Variants in NAV3 observed in about 807,000 individuals in gnomAD.
The protein encoded by NAV3 is pore membrane and/or filament interacting like protein 1.
In NAV3, 87 loss-of-function variants were observed where a neutral mutation model predicts 244.7. The observed-to-expected ratio is 0.36, with a 90% CI of 0.30 to 0.42. The LOEUF is 0.42. Among genes scored for constraint, NAV3 ranks in the 20% least tolerant of loss-of-function variants. NAV3 has a pLI of 1.00. For missense variants in NAV3, 2,663 were observed against 2,893.3 expected, an observed-to-expected ratio of 0.92 and a Z score of 1.83; for synonymous variants, 1,126 against 1,042.2, an observed-to-expected ratio of 1.08 and a Z score of -1.55.
intron 3 of NAV3, among the ~76,000 whole-genome samples, chr12:77,965,485 G>A (rs1892432091): frequency 6.6e-6 from 1 of 152,116 alleles, no homozygotes; most frequent in African/African-American, 2.4e-5. Flanking sequence ...GGGGCGTGGT[G>A]GCGTGCGCCT....
chr12:77,790,058 C>G (rs571306931), intron 2 of NAV3, among the ~76,000 whole-genome samples: 45 of 152,194 alleles, frequency 3.0e-4, no homozygotes, highest in African/African-American at 1.1e-3. Context: ...TTGGCAGATT[C>G]CACCCCTGTG....
At chr12:78,126,089 A>G (rs1955894018) in intron 16 of NAV3, among the ~76,000 whole-genome samples, 2 of 152,230 alleles carry the variant, frequency 1.3e-5, no homozygotes, top group African/African-American at 4.8e-5. Context: ...GTCAACATAT[A>G]TACTGTAACT....
chr12:77,754,517 A>G lies in NAV3; in HGVS notation c.72+182251A>G, dbSNP rs1461594062. Among the ~76,000 whole-genome samples the G allele has an allele frequency of 1.3e-4, 20 of 152,190 alleles. 1 individual carries two copies. The highest frequency in any genetic ancestry group is 1.5e-5 in the Non-Finnish European group (1 of 68,018). ...TGTTATCAATTCACAGCATAGAATT[A>G]TAGTTCTCTATTTCTGTATAGCCCA... On this transcript the variant is annotated intron_variant, in intron 2 of 8. Transcript: ENST00000550042.
chr12:77,905,048 G>A (rs1885816266), intron 1 of NAV3, among the ~76,000 whole-genome samples: 1 of 152,068 alleles, frequency 6.6e-6, no homozygotes, highest in African/African-American at 2.4e-5. Context: ...AGAGAAGTCA[G>A]TATATTCTCC....
At chr12:77,827,928 C>T (rs1305563128), upstream of NAV3, among the ~76,000 whole-genome samples, 2 of 152,196 alleles carry the variant, frequency 1.3e-5, no homozygotes, top group African/African-American at 4.8e-5. Context: ...TCTGAACTAT[C>T]AAACTACAAA....
intron 2 of NAV3, among the ~76,000 whole-genome samples, chr12:77,716,485 T>G (rs1330385005): frequency 6.6e-6 from 1 of 151,950 alleles, no homozygotes; most frequent in Non-Finnish European, 1.5e-5. Flanking sequence ...TCATGTTTTA[T>G]GAAAAAAATT....
At chr12:77,650,688 T>G (rs1007340398) in intron 2 of NAV3, among the ~76,000 whole-genome samples, 2 of 152,140 alleles carry the variant, frequency 1.3e-5, no homozygotes, top group Non-Finnish European at 2.9e-5. Context: ...TTTTTGTAAA[T>G]AGATTTTTGT....
chr12:77,746,422 G>C (rs183643561), intron 2 of NAV3, among the ~76,000 whole-genome samples: 3 of 152,148 alleles, frequency 2.0e-5, no homozygotes, highest in African/African-American at 7.2e-5. Flanking sequence ...TGTAAAAATG[G>C]GTTTCCTGGC....
chr12:78,028,613 G>T (rs924307512), intron 9 of NAV3, among the ~76,000 whole-genome samples: 1 of 152,142 alleles, frequency 6.6e-6, no homozygotes, highest in African/African-American at 2.4e-5. Context: ...CCAAAAGCTT[G>T]CATCCCTGCT....
rs2140145755 is a variant in NAV3 at position 78,211,344 on chromosome 12, A to T, written c.*827A>T. 1 of 152,746 alleles carries T rather than the reference A, an allele frequency of 6.5e-6. No individual in the cohort carries two copies. Among genetic ancestry groups the T allele is most frequent in the African/African-American group, 2.4e-5 (1 of 41,578 alleles). The allele number at this position is 152,746 out of a possible 1,614,324, so 9.5% of individuals were successfully genotyped here. ...TCCTATGGTGCTGTCTCACTGCCTT[A>T]AAACAGATTTCTATGACAGTTTAAC... On this transcript the variant is annotated 3_prime_UTR_variant, in exon 40 of 40. Transcript: ENST00000397909.
intron 2 of NAV3, among the ~76,000 whole-genome samples, chr12:77,720,646 T>G (rs1168774033): frequency 6.6e-6 from 1 of 152,128 alleles, no homozygotes; most frequent in Non-Finnish European, 1.5e-5. Context: ...AAACTCCAAT[T>G]CTTTCCCTCT....
intron 9 of NAV3, among the ~76,000 whole-genome samples, chr12:78,038,153 T>A (rs1880233933): frequency 6.6e-6 from 1 of 152,232 alleles, no homozygotes; most frequent in Admixed American, 6.5e-5. Flanking sequence ...GACTAAACTT[T>A]AAATGTCAAC....
In NAV3 at chr12:78,076,349, A is replaced by G. The variant is rs902093358; in HGVS notation, c.2636+17234A>G. On this transcript the variant is annotated intron_variant, in intron 12 of 39. Coordinates refer to ENST00000397909, the MANE Select transcript of NAV3 (RefSeq NM_001024383.2). ...GTGAACTCTCCTCAAAACCTCATAG[A>G]CTCAGTGCTCTTTCTCTGTGCGCTA... is the stretch of plus-strand genomic sequence containing the variant. Among the ~76,000 whole-genome samples, 3 of 151,730 alleles carry G rather than the reference A, an allele frequency of 2.0e-5. No homozygotes were observed. The South Asian group carries it at 6.3e-4, about 32-fold the overall frequency.
At chr12:77,881,316 G>T (rs1206819627) in intron 1 of NAV3, among the ~76,000 whole-genome samples, 1 of 152,092 alleles carries the variant, frequency 6.6e-6, no homozygotes, top group African/African-American at 2.4e-5. Context: ...GTATTTAGAG[G>T]TGAAATCCTA....
At chr12:77,605,861 C>G (rs2136792178) in intron 2 of NAV3, among the ~76,000 whole-genome samples, 1 of 152,020 alleles carries the variant, frequency 6.6e-6, no homozygotes, top group East Asian at 1.9e-4. Context: ...AAAAGCACAC[C>G]CTAGAATAAT....
Position 78,205,144 on chromosome 12 carries a change from A to G in NAV3, c.7038+6A>G, listed in dbSNP as rs772373398. ...ACACAGAAGGAGATCCCCTGGTAAG[A>G]ATCAGATGTTCATTTCTTCCTATGT... On this transcript the variant is annotated splice_donor_region_variant and intron_variant, in intron 39 of 39. Transcript: ENST00000397909. 5 of 1,611,866 alleles carry G rather than the reference A, an allele frequency of 3.1e-6. No homozygotes were observed. The East Asian group carries it at 1.1e-4, about 36-fold the overall frequency.
At chr12:78,106,101 G>A (rs1344279261) in intron 12 of NAV3, among the ~76,000 whole-genome samples, 1 of 151,566 alleles carries the variant, frequency 6.6e-6, no homozygotes, top group African/African-American at 2.4e-5. Context: ...ATATTTAAAT[G>A]TAGAGAGCAT....
intron 2 of NAV3, among the ~76,000 whole-genome samples, chr12:77,722,327 A>G (rs575788807): frequency 2.0e-5 from 3 of 152,164 alleles, no homozygotes; most frequent in Non-Finnish European, 4.4e-5. Context: ...AGGGTTTTCT[A>G]TAATTAATAT....
intron 9 of NAV3, among the ~76,000 whole-genome samples, chr12:78,036,044 T>TGAGTG (rs1484850195): frequency 6.6e-6 from 1 of 152,092 alleles, no homozygotes; most frequent in Non-Finnish European, 1.5e-5. Context: ...TGTGAGGGTG[T>TGAGTG]GAGTGTGTGT....
Sources: gnomAD v4.1 joint callset for allele counts (sites outside exome capture counted in the v4.1 genomes callset) on GRCh38, gnomAD v4.1.1 for gene constraint, MANE v1.5 for transcripts, NCBI Gene and HGNC (gene_info 2026-07-23, HGNC 2026-07-21) for gene names.